MEF2C: variants seen among roughly 807,000 people sequenced by gnomAD.
MEF2C encodes the protein myocyte enhancer factor 2C.
Under a neutral mutation model 50.5 loss-of-function variants are expected in MEF2C, and 6 were observed. The observed-to-expected ratio is 0.12, with a 90% CI of 0.07 to 0.23. The LOEUF (loss-of-function observed/expected upper bound fraction) is 0.23, where lower values mean the gene tolerates loss of function less well. Ranked by LOEUF, MEF2C falls within the 10% of genes least tolerant of loss-of-function variation. The pLI, the probability that MEF2C is intolerant of heterozygous loss-of-function variation, is 1.00. For missense variants in MEF2C, 276 were observed against 605.0 expected, an observed-to-expected ratio of 0.46 and a Z score of 5.70; for synonymous variants, 183 against 228.0, an observed-to-expected ratio of 0.80 and a Z score of 1.78.
At chr5:88,729,590 C>A in intron 8 of MEF2C, 1 of 464,126 alleles carries the variant, frequency 2.2e-6, no homozygotes, top group Non-Finnish European at 3.9e-6. Flanking sequence ...TAACAAGTAC[C>A]ATAGCTTTAT....
intron 1 of MEF2C, among the ~76,000 whole-genome samples, chr5:88,900,185 C>T (rs948420142): frequency 2.6e-5 from 4 of 151,568 alleles, no homozygotes; most frequent in African/African-American, 7.3e-5. Context: ...TGACCTTGAC[C>T]AGATCAATAT....
intron 1 of MEF2C, chr5:88,843,361 A>G (rs527582636): frequency 2.3e-5 from 23 of 985,050 alleles, no homozygotes; most frequent in Non-Finnish European, 2.7e-5. Context: ...CCCAAAAAAA[A>G]CCCTCAAAGG....
intron 1 of MEF2C, among the ~76,000 whole-genome samples, chr5:88,877,538 T>C (rs1020229306): frequency 3.9e-5 from 6 of 152,028 alleles, no homozygotes; most frequent in African/African-American, 1.4e-4. Flanking sequence ...ATGGTATTCT[T>C]TGTCATAGAA....
intron 3 of MEF2C, among the ~76,000 whole-genome samples, chr5:88,773,408 TA>T (rs1278156843): frequency 3.3e-5 from 5 of 152,176 alleles, no homozygotes; most frequent in African/African-American, 4.8e-5. Flanking sequence ...ACTTAAATTA[TA>T]AAAGGAAAAA....
chr5:88,745,528 G>C lies in MEF2C; in HGVS notation c.637+3542C>G, dbSNP rs1769003626. Among the ~76,000 whole-genome samples, 6 of 152,240 alleles carry C rather than the reference G, an allele frequency of 3.9e-5. No individual in the cohort carries two copies. The South Asian group carries it at 1.2e-3, about 31-fold the overall frequency. Reference sequence around the variant, plus strand: ...TGTAGCAATTAAGAGCACACACTGAGGCCGGGTGCAGAGGCTCACGCCTGT... The same window carrying C: ...TGTAGCAATTAAGAGCACACACTGACGCCGGGTGCAGAGGCTCACGCCTGT... On this transcript the variant is annotated intron_variant, in intron 6 of 10. Coordinates refer to ENST00000504921, the MANE Select transcript of MEF2C (RefSeq NM_002397.5).
At position 88,741,375 on chromosome 5, in the gene MEF2C, G is replaced by A. The variant is rs565224308; in HGVS notation, c.637+7695C>T. 4 of 985,270 alleles carry A rather than the reference G, an allele frequency of 4.1e-6. No individual in the cohort carries two copies. The East Asian group carries it at 4.5e-4, about 112-fold the overall frequency. The allele number at this position is 985,270 out of a possible 1,614,324, so 61.0% of individuals were successfully genotyped here. A position where few individuals can be genotyped will look rare whatever the true frequency, so the allele number is the denominator to read the frequency against. On this transcript the variant is annotated intron_variant, in intron 6 of 10. Coordinates refer to ENST00000504921, the MANE Select transcript of MEF2C (RefSeq NM_002397.5). ...ATTTTTACAACAATCCGGAAAAAGA[G>A]GAGTTTAACAGACTTTTCAAGGGCA... is the stretch of plus-strand genomic sequence containing the variant.
At chr5:88,769,918 T>G (rs1161664598) in intron 3 of MEF2C, 1 of 971,654 alleles carries the variant, frequency 1.0e-6, no homozygotes, top group African/African-American at 1.8e-5. Context: ...AGTGCTAGGA[T>G]TATGGGCATG....
chr5:88,725,710 T>A (rs34320), intron 10 of MEF2C, among the ~76,000 whole-genome samples: 2 of 151,842 alleles, frequency 1.3e-5, no homozygotes, highest in Non-Finnish European at 1.5e-5. Flanking sequence ...CAAACATGAC[T>A]GGATAGTTTT....
At chr5:88,739,128 A>T (rs919331398) in intron 6 of MEF2C, 1 of 985,192 alleles carries the variant, frequency 1.0e-6, no homozygotes, top group Non-Finnish European at 1.2e-6. Flanking sequence ...AATGTCCAGT[A>T]TTTTTTAGTA....
chr5:88,874,657 A>G (rs1038624189), intron 1 of MEF2C, among the ~76,000 whole-genome samples: 3 of 151,904 alleles, frequency 2.0e-5, no homozygotes, highest in Non-Finnish European at 4.4e-5. Context: ...TAAATGCTTG[A>G]TATTTAAACA....
At position 88,722,935 on chromosome 5, in the gene MEF2C, G is replaced by A; in HGVS notation, c.1101-10C>T. The A allele has an allele frequency of 1.3e-6, 2 of 1,574,678 alleles. No homozygotes were observed. The highest frequency in any genetic ancestry group is 1.4e-5 in the African/African-American group (1 of 73,930). ...AGTGCTAGTGCAAGCTCTGTAGGAG[G>A]AAAGGAAACCCAGTTACAGATGAAG... On this transcript the variant is annotated splice_polypyrimidine_tract_variant and intron_variant, in intron 10 of 10. Transcript: ENST00000504921.
intron 1 of MEF2C, among the ~76,000 whole-genome samples, chr5:88,858,629 C>T (rs1581657139): frequency 6.6e-6 from 1 of 152,166 alleles, no homozygotes; most frequent in Non-Finnish European, 1.5e-5. Context: ...CTTCTCTGGC[C>T]CTCACTTACA....
chr5:88,757,837 A>C (rs926437545), intron 4 of MEF2C, among the ~76,000 whole-genome samples: 2 of 152,158 alleles, frequency 1.3e-5, no homozygotes, highest in African/African-American at 2.4e-5. Flanking sequence ...AATCACTTGA[A>C]CATGGGAGGC....
At chr5:88,772,220 G>C (rs544137862) in intron 3 of MEF2C, 4 of 152,324 alleles carry the variant, frequency 2.6e-5, no homozygotes, top group Admixed American at 2.0e-4. Flanking sequence ...ATAAAGTCTT[G>C]AGGTTGGCAA....
At chr5:88,776,922 C>G (rs187501932) in intron 3 of MEF2C, among the ~76,000 whole-genome samples, 6 of 152,328 alleles carry the variant, frequency 3.9e-5, no homozygotes, top group South Asian at 4.1e-4. Context: ...GCCAGCCCCA[C>G]GGCGCACTCT....
chr5:88,733,427 A>G (rs757425151), intron 6 of MEF2C: 20 of 985,226 alleles, frequency 2.0e-5, no homozygotes, highest in Admixed American at 6.2e-5. Flanking sequence ...TTCAGAGTAG[A>G]GGTATGACAC....
chr5:88,762,216 G>A (rs556052543), intron 3 of MEF2C, among the ~76,000 whole-genome samples: 13 of 152,332 alleles, frequency 8.5e-5, no homozygotes, highest in Admixed American at 7.8e-4. Flanking sequence ...AGCTGTCACA[G>A]AAGAATAAAT....
chr5:88,849,174 C>A lies in MEF2C; in HGVS notation c.-142-25244G>T, dbSNP rs193171317. 4.3e-3 allele frequency among the ~76,000 whole-genome samples: 604 copies of A among 139,538 alleles called. 6 individuals are homozygous for A. Among genetic ancestry groups the A allele is most frequent in the African/African-American group, 0.015 (587 of 38,230 alleles). 91.5% of individuals were successfully genotyped at this position (139,538 alleles called of 152,430 possible). On this transcript the variant is annotated intron_variant, in intron 1 of 10. Transcript: ENST00000504921. Reference sequence around the variant, plus strand: ...TCAAAAAAAAAAAAAAAAAAAAATTCTTGTGCCAAATACTTTAAAATATTT... The same window carrying A: ...TCAAAAAAAAAAAAAAAAAAAAATTATTGTGCCAAATACTTTAAAATATTT...
chr5:88,864,884 C>T (rs1826779978), intron 1 of MEF2C, among the ~76,000 whole-genome samples: 2 of 152,054 alleles, frequency 1.3e-5, no homozygotes, highest in Admixed American at 6.6e-5. Context: ...GATTCTGCCT[C>T]AGCCTCCTGA....
Sources: gnomAD v4.1 joint callset for allele counts (sites outside exome capture counted in the v4.1 genomes callset) on GRCh38, gnomAD v4.1.1 for gene constraint, MANE v1.5 for transcripts, NCBI Gene and HGNC (gene_info 2026-07-23, HGNC 2026-07-21) for gene names.